Variants in COL26A1 observed in about 807,000 individuals in gnomAD.
COL26A1 encodes the protein collagen alpha-1(XXVI) chain.
COL26A1 carries 41 observed loss-of-function variants against 59.3 expected under a neutral mutation model. The ratio of observed to expected loss-of-function variants is 0.69; its 90% CI spans 0.54 to 0.90. The LOEUF is 0.90. COL26A1 is among the 40% of genes least tolerant of loss of function. The pLI is 0.00. For synonymous variants in COL26A1, 266 were observed against 256.0 expected (o/e 1.04, Z -0.37); for missense variants, 612 against 602.3 (o/e 1.02, Z -0.17).
At chr7:101,524,390 T>C (rs1407361854) in intron 3 of COL26A1, among the ~76,000 whole-genome samples, 1 of 152,172 alleles carries the variant, frequency 6.6e-6, no homozygotes, top group African/African-American at 2.4e-5. Context: ...CAAGACAATT[T>C]ATCAGGCACC....
chr7:101,380,014 C>T (rs560301829), intron 1 of COL26A1, among the ~76,000 whole-genome samples: 5 of 152,254 alleles, frequency 3.3e-5, no homozygotes, highest in East Asian at 1.9e-4. Flanking sequence ...CTTTTTGAGA[C>T]GGAGTCTCAC....
intron 1 of COL26A1, among the ~76,000 whole-genome samples, chr7:101,400,537 TTTTTA>T (rs1265557023): frequency 1.3e-5 from 2 of 151,742 alleles, no homozygotes; most frequent in African/African-American, 4.8e-5. Flanking sequence ...AATTTTTGTA[TTTTTA>T]TTTTATTTTA....
At chr7:101,366,926 C>T (rs1297690106) in intron 1 of COL26A1, among the ~76,000 whole-genome samples, 1 of 152,060 alleles carries the variant, frequency 6.6e-6, no homozygotes, top group African/African-American at 2.4e-5. Flanking sequence ...AGTACTTTTT[C>T]CTCCACGCTG....
chr7:101,458,405 G>A (rs1427822691), intron 3 of COL26A1, among the ~76,000 whole-genome samples: 1 of 152,062 alleles, frequency 6.6e-6, no homozygotes, highest in African/African-American at 2.4e-5. Flanking sequence ...AGAGGTTGAG[G>A]CAGGAGGATC....
At chr7:101,446,007 C>G (rs1460954996) in intron 2 of COL26A1, among the ~76,000 whole-genome samples, 1 of 142,418 alleles carries the variant, frequency 7.0e-6, no homozygotes, top group East Asian at 2.0e-4. Context: ...GAGATCGCGC[C>G]ACTGAATTCC....
At chr7:101,525,074 A>AGT (rs551699946) in intron 3 of COL26A1, among the ~76,000 whole-genome samples, 46 of 146,590 alleles carry the variant, frequency 3.1e-4, no homozygotes, top group Non-Finnish European at 6.3e-4. Context: ...ATGATTTGTG[A>AGT]GTGTGTGGCA....
At chr7:101,392,997 T>A (rs370353628) in intron 1 of COL26A1, among the ~76,000 whole-genome samples, 1,938 of 109,270 alleles carry the variant, frequency 0.018, 37 homozygotes, top group African/African-American at 0.058. Flanking sequence ...AATAAAAAAA[T>A]GTTTTTTTGT....
At chr7:101,385,217 C>T (rs1040410466) in intron 1 of COL26A1, among the ~76,000 whole-genome samples, 3 of 87,464 alleles carry the variant, frequency 3.4e-5, no homozygotes, top group African/African-American at 1.3e-4. Context: ...TATATATACA[C>T]ACACACACAC....
chr7:101,552,573 C>T (rs767482549), intron 10 of COL26A1, among the ~76,000 whole-genome samples: 3 of 152,188 alleles, frequency 2.0e-5, no homozygotes, highest in South Asian at 2.1e-4. Context: ...GCCATGATCG[C>T]GTCACTATAC....
At position 101,555,834 on chromosome 7, in the gene COL26A1, G is replaced by A; in HGVS notation, c.1128G>A (p.Glu376=). The part of the protein sequence containing the change: ...QLREALKILA[E]RVLILEHMIG... Reference sequence around the variant, plus strand: ...GAGAGGCCCTGAAGATCCTGGCAGAGCGAGTCCTCATCCTGGAGCACATGA... The same window carrying A: ...GAGAGGCCCTGAAGATCCTGGCAGAACGAGTCCTCATCCTGGAGCACATGA... The change falls in exon 12 of 13, where the codon GAG becomes GAA. Residue 376 remains glutamate, a synonymous_variant. Transcript: ENST00000313669. 1.9e-6 allele frequency: 3 copies of A among 1,612,042 alleles called. No individual in the cohort carries two copies. Among genetic ancestry groups the A allele is most frequent in the Non-Finnish European group, 2.5e-6 (3 of 1,179,376 alleles).
chr7:101,476,550 C>CTTT (rs557412315), intron 3 of COL26A1, among the ~76,000 whole-genome samples: 3 of 143,924 alleles, frequency 2.1e-5, no homozygotes, highest in African/African-American at 2.5e-5. Flanking sequence ...TACTTGGTTA[C>CTTT]TTTTTTTTTT....
chr7:101,551,237 G>GGGGGGGGGGGGGGGGGGGGC, intron 10 of COL26A1, 94 bp downstream of exon 10: 14 of 386,344 alleles, frequency 3.6e-5, no homozygotes, highest in East Asian at 1.7e-4. Context: ...TGGTGGGGGG[G>GGGGGGGGGGGGGGGGGGGGC]TTCAGCCCTG....
At position 101,413,541 on chromosome 7, in the gene COL26A1, G is replaced by GGAAAT. The variant is rs1316241227; in HGVS notation, c.159-6432_159-6431insTGAAA. Among the ~76,000 whole-genome samples the GGAAAT allele has an allele frequency of 4.6e-4, 69 of 151,174 alleles. 2 individuals are homozygous for GGAAAT. Among genetic ancestry groups the GGAAAT allele is most frequent in the Non-Finnish European group, 7.7e-4 (52 of 67,750 alleles). Reference sequence around the variant, plus strand: ...TCTCAAGAAAAGAAAGGAAATGAAAGGAAAGGAAAGAAAAAGAAAAGAAGA... The same window carrying GGAAAT: ...TCTCAAGAAAAGAAAGGAAATGAAAGGAAATGAAAGGAAAGAAAAAGAAAAGAAGA... On this transcript the variant is annotated intron_variant, in intron 1 of 12. Transcript: ENST00000313669.
rs567746191 is a variant in COL26A1 at position 101,547,408 on chromosome 7, G to A, written c.940+169G>A. Reference sequence around the variant, plus strand: ...TGTGTGGCAGGAAATGAAGCCCCTCGTTTCCTAGTGGCAGTGCCCCTGGGG... The same window carrying A: ...TGTGTGGCAGGAAATGAAGCCCCTCATTTCCTAGTGGCAGTGCCCCTGGGG... On this transcript the variant is annotated intron_variant, in intron 8 of 12. Transcript: ENST00000313669. Among the ~76,000 whole-genome samples the A allele has an allele frequency of 5.7e-4, 87 of 152,320 alleles. 1 individual carries two copies. In the South Asian group the frequency reaches 0.013, roughly 22 times the overall value.
chr7:101,479,167 G>T (rs1020800759), intron 3 of COL26A1, among the ~76,000 whole-genome samples: 7 of 152,208 alleles, frequency 4.6e-5, no homozygotes, highest in Non-Finnish European at 8.8e-5. Context: ...CAAACTCAGT[G>T]TTCCAATTTC....
rs1426306235 is a variant in COL26A1, at chr7:101,467,371, A to G, written c.385+19584A>G. Among the ~76,000 whole-genome samples, 11 of 123,162 alleles carry G rather than the reference A, an allele frequency of 8.9e-5. No individual in the cohort carries two copies. The East Asian group carries it at 1.4e-3, about 16-fold the overall frequency. The allele number at this position is 123,162 out of a possible 152,430, so 80.8% of individuals were successfully genotyped here. A position where few individuals can be genotyped will look rare whatever the true frequency, so the allele number is the denominator to read the frequency against. ...GCGAAATGCACAGGGCGGGGGGAGG[A>G]TGGGGGGTGGTTTATAGATGAGCCT... is the stretch of plus-strand genomic sequence containing the variant. On this transcript the variant is annotated intron_variant, in intron 3 of 12. Transcript: ENST00000313669.
chr7:101,407,146 A>T (rs866150817), intron 1 of COL26A1, among the ~76,000 whole-genome samples: 1 of 151,848 alleles, frequency 6.6e-6, no homozygotes, highest in African/African-American at 2.4e-5. Context: ...ACTTGTGGGC[A>T]GCTCTTCCTG....
rs144423819 is a variant in COL26A1 at position 101,521,741 on chromosome 7, G to A, written c.386-11341G>A. On this transcript the variant is annotated intron_variant, in intron 3 of 12. Transcript: ENST00000313669. ...ACCAGCACCCACATTAACAAAGAAC[G>A]TTCTCATGATCTTGAAAGCCCTCTT... Among the ~76,000 whole-genome samples, 355 of 152,234 alleles carry A rather than the reference G, an allele frequency of 2.3e-3. 1 individual carries two copies. Among genetic ancestry groups the A allele is most frequent in the African/African-American group, 8.1e-3 (337 of 41,542 alleles).
At chr7:101,414,411 GCT>G (rs1792323068) in intron 1 of COL26A1, among the ~76,000 whole-genome samples, 1 of 144,666 alleles carries the variant, frequency 6.9e-6, no homozygotes, top group Non-Finnish European at 1.5e-5. Flanking sequence ...TCTCTCGCTC[GCT>G]CTCGCTCTCA....
Sources: allele counts gnomAD v4.1 joint callset (sites outside exome capture counted in the v4.1 genomes callset), GRCh38; gene constraint gnomAD v4.1.1; transcripts MANE v1.5; gene names NCBI Gene and HGNC (gene_info 2026-07-23, HGNC 2026-07-21).